CD36: variants seen among roughly 807,000 people sequenced by gnomAD.
CD36 encodes CD36 molecule (CD36 blood group), also known as platelet glycoprotein 4.
CD36 carries 119 observed loss-of-function variants against 55.2 expected under a neutral mutation model. The observed-to-expected ratio is 2.15, with a 90% CI of 1.86 to 2.51. The LOEUF (loss-of-function observed/expected upper bound fraction) is 2.51, where lower values mean the gene tolerates loss of function less well. Ranked by LOEUF, CD36 falls within the 30% of genes most tolerant of loss-of-function variation. The pLI, the probability that CD36 is intolerant of heterozygous loss-of-function variation, is 0.00. For missense variants in CD36, 819 were observed against 555.5 expected, an observed-to-expected ratio of 1.47 and a Z score of -4.77; for synonymous variants, 186 against 193.6, an observed-to-expected ratio of 0.96 and a Z score of 0.33.
intron 4 of CD36, among the ~76,000 whole-genome samples, chr7:80,659,870 T>C (rs1796389199): frequency 6.6e-6 from 1 of 152,108 alleles, no homozygotes; most frequent in Non-Finnish European, 1.5e-5. Context: ...ATAGTAGTTT[T>C]AATAAAATTA....
intron 14 of CD36, chr7:80,676,167 C>T (rs754880074): frequency 6.6e-6 from 1 of 152,146 alleles, no homozygotes; most frequent in African/African-American, 2.4e-5. Context: ...GTAATACCGA[C>T]CAACAGGATG....
At chr7:80,636,975 C>T (rs1794461523), upstream of CD36, 1 of 152,008 alleles carries the variant, frequency 6.6e-6, no homozygotes, top group Admixed American at 6.6e-5. Context: ...ATTTGAATGG[C>T]ATTAGGCTAC....
intron 1 of CD36, among the ~76,000 whole-genome samples, chr7:80,629,980 A>G (rs1001101637): frequency 2.6e-5 from 4 of 151,976 alleles, no homozygotes; most frequent in East Asian, 3.9e-4. Context: ...AACCACTGCT[A>G]TATTTCTTTT....
chr7:80,673,909 G>GTGAT, intron 13 of CD36, 74 bp from the exon 14 acceptor site: 1 of 1,074,358 alleles, frequency 9.3e-7, no homozygotes, highest in South Asian at 1.3e-5. Context: ...AGAAAAAAGG[G>GTGAT]TGATAGGCAA....
In CD36 at chr7:80,670,007, C is replaced by T; in HGVS notation, c.803C>T (p.Ser268Phe). The T allele has an allele frequency of 6.2e-7, 1 of 1,607,448 alleles. No individual in the cohort carries two copies. Among genetic ancestry groups the T allele is most frequent in the African/African-American group, 1.3e-5 (1 of 74,880 alleles). ...AAAAGCCAGGTATTGCAGTTCTTTT[C>T]TTCTGATATTTGCAGGTAAGACAGA... Reference protein sequence around the residue: ...VEKSQVLQFFSSDICRSIYAV... With the variant: ...VEKSQVLQFFFSDICRSIYAV... The change falls in exon 9 of 15, where the codon TCT becomes TTT. Residue 268 changes from serine (S) to phenylalanine (F), a missense_variant. Transcript: ENST00000447544.
chr7:80,675,163 C>T (rs1798108571), intron 14 of CD36, among the ~76,000 whole-genome samples: 1 of 152,106 alleles, frequency 6.6e-6, no homozygotes, highest in African/African-American at 2.4e-5. Context: ...GACAATAATT[C>T]TGCATCCAAA....
intron 1 of CD36, among the ~76,000 whole-genome samples, chr7:80,640,219 C>T (rs1268084026): frequency 1.3e-5 from 2 of 151,902 alleles, no homozygotes; most frequent in South Asian, 2.1e-4. Flanking sequence ...AGCTGTCTTT[C>T]CATTTGCATA....
At chr7:80,654,562 A>G (rs1795885384) in intron 3 of CD36, among the ~76,000 whole-genome samples, 1 of 152,200 alleles carries the variant, frequency 6.6e-6, no homozygotes, top group African/African-American at 2.4e-5. Context: ...ATTTACATTT[A>G]GAAGAATATC....
In CD36 at chr7:80,603,770, A is replaced by AAAAAAAAAG. The variant is rs564344345; in HGVS notation, c.-184+1399_-184+1400insGAAAAAAAA. ...TGGAACTCAAGAATTACAGTCAGGC[A>AAAAAAAAAG]AAAAAAAAAAAAAAAAGAGTTTTAA... On this transcript the variant is annotated intron_variant, in intron 1 of 13. Transcript: ENST00000309881. 5.7e-3 allele frequency among the ~76,000 whole-genome samples: 297 copies of AAAAAAAAAG among 51,952 alleles called. 1 individual carries two copies. Among genetic ancestry groups the AAAAAAAAAG allele is most frequent in the African/African-American group, 0.031 (285 of 9,194 alleles). 34.1% of individuals were successfully genotyped at this position (51,952 alleles called of 152,430 possible).
intron 1 of CD36, among the ~76,000 whole-genome samples, chr7:80,612,193 G>C (rs931511224): frequency 2.6e-5 from 4 of 152,176 alleles, no homozygotes; most frequent in African/African-American, 9.7e-5. Context: ...GTTGAAATGA[G>C]ATTCTTTTGA....
chr7:80,654,623 A>C (rs1033187949), intron 3 of CD36, among the ~76,000 whole-genome samples: 1 of 152,164 alleles, frequency 6.6e-6, no homozygotes, highest in Admixed American at 6.5e-5. Flanking sequence ...TATGGAAATA[A>C]GCCTTTTTGG....
intron 6 of CD36, 42 bp from the exon 7 acceptor site, chr7:80,664,364 A>C (rs1405609673): frequency 9.3e-7 from 1 of 1,069,724 alleles, no homozygotes; most frequent in East Asian, 2.4e-5. Context: ...ACTTTGAAAA[A>C]ATGACTTGTA....
chr7:80,666,615 A>C, intron 8 of CD36, 126 bp downstream of exon 8: 1 of 740,888 alleles, frequency 1.3e-6, no homozygotes, highest in Non-Finnish European at 2.5e-6. Context: ...CCCCACAACA[A>C]AATTCAGAGT....
intron 1 of CD36, among the ~76,000 whole-genome samples, chr7:80,623,235 A>G (rs1013699423): frequency 6.6e-6 from 1 of 152,164 alleles, no homozygotes; most frequent in African/African-American, 2.4e-5. Flanking sequence ...GTGACTGTCC[A>G]CTTCATGAAA....
At chr7:80,654,002 C>G (rs367587745) in intron 3 of CD36, among the ~76,000 whole-genome samples, 1 of 152,124 alleles carries the variant, frequency 6.6e-6, no homozygotes. Context: ...CATTTTCCAC[C>G]TCTAAAAAAA....
chr7:80,653,970 G>A (rs1795818281), intron 3 of CD36, among the ~76,000 whole-genome samples: 1 of 152,150 alleles, frequency 6.6e-6, no homozygotes, highest in Admixed American at 6.6e-5. Context: ...CATTGAGTCA[G>A]ACATCTCTTT....
chr7:80,645,672 C>T (rs1048676285), intron 1 of CD36, among the ~76,000 whole-genome samples: 4 of 152,012 alleles, frequency 2.6e-5, no homozygotes, highest in Admixed American at 2.0e-4. Flanking sequence ...AGACACCAAA[C>T]ATTAGATTGA....
chr7:80,608,013 G>T (rs1234900314), intron 1 of CD36, among the ~76,000 whole-genome samples: 2 of 151,938 alleles, frequency 1.3e-5, no homozygotes, highest in African/African-American at 4.8e-5. Context: ...CTCGTGATCC[G>T]CCCGCCTCGG....
intron 10 of CD36, 146 bp from the exon 11 acceptor site, chr7:80,671,776 T>G: frequency 1.5e-6 from 1 of 684,686 alleles, no homozygotes; most frequent in South Asian, 1.7e-5. Context: ...ATAGTAGAAA[T>G]CAACTGACAT....
Sources: gnomAD v4.1 joint callset for allele counts (sites outside exome capture counted in the v4.1 genomes callset) on GRCh38, gnomAD v4.1.1 for gene constraint, MANE v1.5 for transcripts, NCBI Gene and HGNC (gene_info 2026-07-23, HGNC 2026-07-21) for gene names.